CDH13: variants seen among roughly 807,000 people sequenced by gnomAD.
The protein encoded by CDH13 is cadherin 13, also known as cadherin-13.
A neutral mutation model predicts 63.8 loss-of-function variants in CDH13; 24 were observed. The observed-to-expected ratio is 0.38, with a 90% CI of 0.27 to 0.53. The LOEUF (loss-of-function observed/expected upper bound fraction) is 0.53, where lower values mean the gene tolerates loss of function less well. Among genes scored for constraint, CDH13 ranks in the 20% least tolerant of loss-of-function variants. The pLI, the probability that CDH13 is intolerant of heterozygous loss-of-function variation, is 0.85. For missense variants in CDH13, 1,049 were observed against 903.1 expected (o/e 1.16, Z -2.07); for synonymous variants, 503 against 355.3 (o/e 1.42, Z -4.67).
rs1039018620 is a variant in CDH13, at chr16:83,800,400, C to T, written c.*5370C>T. The T allele has an allele frequency of 2.6e-5, 4 of 152,110 alleles. No homozygotes were observed. Among genetic ancestry groups the T allele is most frequent in the African/African-American group, 9.7e-5 (4 of 41,400 alleles). The allele number at this position is 152,110 out of a possible 1,614,324, so 9.4% of individuals were successfully genotyped here. On this transcript the variant is annotated 3_prime_UTR_variant, in exon 14 of 14. Transcript: ENST00000567109. ...CCTGATGACAAAATTTTATGTATCC[C>T]CCCAGATAAAAATTTTAAGAAATTT... is the stretch of plus-strand genomic sequence containing the variant.
At chr16:83,683,222 G>C (rs1055080708) in intron 10 of CDH13, among the ~76,000 whole-genome samples, 6 of 152,198 alleles carry the variant, frequency 3.9e-5, no homozygotes, top group African/African-American at 1.4e-4. Flanking sequence ...TGTGTTGTTA[G>C]TCAAATCAAA....
intron 4 of CDH13, among the ~76,000 whole-genome samples, chr16:83,201,704 C>T (rs1293913531): frequency 1.3e-5 from 2 of 150,722 alleles, no homozygotes; most frequent in Admixed American, 6.6e-5. Flanking sequence ...GAGACCATCC[C>T]GGCTAACATG....
chr16:83,519,825 C>T (rs1252608069), intron 7 of CDH13, among the ~76,000 whole-genome samples: 2 of 152,106 alleles, frequency 1.3e-5, no homozygotes, highest in Admixed American at 1.3e-4. Flanking sequence ...AACTGAAAAA[C>T]ATGCATGAGG....
chr16:83,132,718 G>GTTTTAAA (rs2036113828), intron 4 of CDH13, among the ~76,000 whole-genome samples: 1 of 151,900 alleles, frequency 6.6e-6, no homozygotes, highest in African/African-American at 2.4e-5. Context: ...ATGAGCACCT[G>GTTTTAAA]GCCTTAATTT....
chr16:83,115,561 C>T (rs1597364095), intron 3 of CDH13, among the ~76,000 whole-genome samples: 1 of 152,220 alleles, frequency 6.6e-6, no homozygotes, highest in Non-Finnish European at 1.5e-5. Context: ...TGCAAAGGCT[C>T]GCTATTGCCT....
At chr16:83,488,057 T>G (rs772578730) in intron 7 of CDH13, among the ~76,000 whole-genome samples, 6 of 152,222 alleles carry the variant, frequency 3.9e-5, no homozygotes, top group Non-Finnish European at 8.8e-5. Context: ...AGACCTGAAT[T>G]GTCCAGTAGA....
At chr16:83,075,599 A>G (rs1054742100) in intron 3 of CDH13, among the ~76,000 whole-genome samples, 4 of 152,192 alleles carry the variant, frequency 2.6e-5, no homozygotes, top group African/African-American at 9.6e-5. Flanking sequence ...ATTCAGATGA[A>G]CTTTGATGTT....
intron 5 of CDH13, among the ~76,000 whole-genome samples, chr16:83,343,189 A>G (rs939998236): frequency 1.3e-5 from 2 of 152,128 alleles, no homozygotes; most frequent in African/African-American, 4.8e-5. Context: ...AAATTTAAAA[A>G]TTATCTACCC....
At chr16:83,093,140 T>TG (rs1200406866) in intron 3 of CDH13, among the ~76,000 whole-genome samples, 2 of 152,176 alleles carry the variant, frequency 1.3e-5, no homozygotes. Context: ...TGCCTATGTC[T>TG]GCTAAAGCGA....
intron 5 of CDH13, among the ~76,000 whole-genome samples, chr16:83,284,143 T>G (rs138047159): frequency 2.8e-4 from 42 of 152,288 alleles, no homozygotes; most frequent in African/African-American, 1.0e-3. Context: ...AAAGAGCATG[T>G]ATTTCTTGTC....
intron 1 of CDH13, among the ~76,000 whole-genome samples, chr16:82,857,560 A>C (rs2039753692): frequency 6.6e-6 from 1 of 152,222 alleles, no homozygotes; most frequent in South Asian, 2.1e-4. Flanking sequence ...CAAATCACGT[A>C]ACCTAAATTT....
In CDH13 at chr16:83,798,178, C is replaced by T. The variant is rs532604515; in HGVS notation, c.*3148C>T. The stretch of plus-strand genomic sequence containing the variant: ...TAAATGGAACAACCATCTACCATCA[C>T]ACTCATAGAGTAGCTCAAATTGCAT... On this transcript the variant is annotated 3_prime_UTR_variant, in exon 14 of 14. Coordinates refer to ENST00000567109, the MANE Select transcript of CDH13 (RefSeq NM_001257.5). The T allele has an allele frequency of 6.6e-6, 1 of 152,332 alleles. No individual in the cohort carries two copies. Among genetic ancestry groups the T allele is most frequent in the South Asian group, 2.1e-4 (1 of 4,824 alleles). 9.4% of individuals were successfully genotyped at this position (152,332 alleles called of 1,614,324 possible).
At chr16:83,155,322 C>T (rs55824404) in intron 4 of CDH13, among the ~76,000 whole-genome samples, 6,030 of 152,224 alleles carry the variant, frequency 0.04, 180 homozygotes, top group Non-Finnish European at 0.052. Context: ...CAAAATTATC[C>T]TTGAAAGTCC....
intron 1 of CDH13, among the ~76,000 whole-genome samples, chr16:82,853,642 C>T (rs2039579334): frequency 6.6e-6 from 1 of 152,142 alleles, no homozygotes; most frequent in Non-Finnish European, 1.5e-5. Context: ...CCGTCTGAAA[C>T]GTGAATCTTT....
At chr16:83,772,177 G>A in intron 11 of CDH13, among the ~76,000 whole-genome samples, 1 of 152,192 alleles carries the variant, frequency 6.6e-6, no homozygotes, top group East Asian at 1.9e-4. Flanking sequence ...GTATAAGACT[G>A]AAAGACATGC....
intron 7 of CDH13, among the ~76,000 whole-genome samples, chr16:83,573,319 G>T (rs1053819471): frequency 6.6e-6 from 1 of 152,088 alleles, no homozygotes; most frequent in African/African-American, 2.4e-5. Context: ...TGGTGGGTGT[G>T]GCTCAGTTCT....
chr16:82,910,054 G>C (rs1163875856), intron 2 of CDH13, among the ~76,000 whole-genome samples: 1 of 152,166 alleles, frequency 6.6e-6, no homozygotes, highest in African/African-American at 2.4e-5. Context: ...ACCCTTCTCA[G>C]CCAAAGTATA....
chr16:82,938,119 C>G (rs991605012), intron 2 of CDH13, among the ~76,000 whole-genome samples: 3 of 152,172 alleles, frequency 2.0e-5, no homozygotes, highest in African/African-American at 7.2e-5. Flanking sequence ...TTCCACTTGG[C>G]ATTTATTTCT....
chr16:83,395,006 G>A (rs934313675), intron 6 of CDH13, among the ~76,000 whole-genome samples: 9 of 152,072 alleles, frequency 5.9e-5, no homozygotes, highest in Non-Finnish European at 1.2e-4. Context: ...AAATTTGCTG[G>A]GCATGGTGGT....
Sources: gnomAD v4.1 joint callset for allele counts (sites outside exome capture counted in the v4.1 genomes callset) on GRCh38, gnomAD v4.1.1 for gene constraint, MANE v1.5 for transcripts, NCBI Gene and HGNC (gene_info 2026-07-23, HGNC 2026-07-21) for gene names.